BCKDHB: variants seen among roughly 807,000 people sequenced by gnomAD.
The protein encoded by BCKDHB is 2-oxoisovalerate dehydrogenase subunit beta, mitochondrial.
Under a neutral mutation model 48.5 loss-of-function variants are expected in BCKDHB, and 41 were observed. That is an observed-to-expected ratio of 0.85 (90% confidence interval 0.66 to 1.10). The LOEUF (loss-of-function observed/expected upper bound fraction) is 1.10, where lower values mean the gene tolerates loss of function less well. Among genes scored for constraint, BCKDHB ranks in the 50% least tolerant of loss-of-function variants. The pLI is 0.00. For synonymous variants in BCKDHB, 201 were observed against 174.8 expected (o/e 1.15, Z -1.18); for missense variants, 496 against 494.2 (o/e 1.00, Z -0.03).
At chr6:80,432,006 T>A in the BCKDHB span, among the ~76,000 whole-genome samples, 16 of 152,236 alleles carry the variant, frequency 1.1e-4, no homozygotes, top group Admixed American at 5.9e-4. Context: ...TCTTTAAGAA[T>A]GTTGAATATT....
chr6:80,314,409 C>T (rs2127998615), intron 9 of BCKDHB, among the ~76,000 whole-genome samples: 1 of 152,336 alleles, frequency 6.6e-6, no homozygotes, highest in Non-Finnish European at 1.5e-5. Flanking sequence ...CCAAGGTCCA[C>T]AGGCTGGACC....
chr6:80,178,315 C>T (rs1773260055), intron 6 of BCKDHB, among the ~76,000 whole-genome samples: 1 of 152,172 alleles, frequency 6.6e-6, no homozygotes, highest in African/African-American at 2.4e-5. Flanking sequence ...TTAAGTTTAA[C>T]ATACTTTGAG....
the BCKDHB span, among the ~76,000 whole-genome samples, chr6:80,385,907 G>A: frequency 6.6e-6 from 1 of 152,184 alleles, no homozygotes; most frequent in South Asian, 2.1e-4. Flanking sequence ...GGCCCACTAA[G>A]TAGGGAATCT....
intron 2 of BCKDHB, among the ~76,000 whole-genome samples, chr6:80,128,201 T>C (rs1000885641): frequency 3.9e-5 from 6 of 152,036 alleles, no homozygotes; most frequent in African/African-American, 1.2e-4. Flanking sequence ...TATATGTGTG[T>C]GTGTGCATAT....
At chr6:80,230,405 G>GA (rs1452364112) in intron 8 of BCKDHB, among the ~76,000 whole-genome samples, 1 of 151,940 alleles carries the variant, frequency 6.6e-6, no homozygotes, top group Non-Finnish European at 1.5e-5. Context: ...AAATAGCCAA[G>GA]AAAAAAACAG....
rs777673541 is a variant in BCKDHB at position 80,106,828 on chromosome 6, G to A, written c.135G>A (p.Ala45=). The A allele has an allele frequency of 1.2e-6, 2 of 1,610,054 alleles. No homozygotes were observed. The highest frequency in any genetic ancestry group is 8.5e-7 in the Non-Finnish European group (1 of 1,178,770). Residue 45 remains alanine (A), a synonymous_variant, in exon 1 of 10, where the codon GCG becomes GCA. Transcript: ENST00000320393. ...ACCCCGCCGCGACTGTCGAGGATGC[G>A]GCCCAGAGGCGGCAGGTGGCTCATT... ...FLHPAATVED[A]AQRRQVAHFT... is the part of the protein sequence containing the mutation.
chr6:80,120,813 G>A (rs1284195535), intron 1 of BCKDHB, among the ~76,000 whole-genome samples: 1 of 152,134 alleles, frequency 6.6e-6, no homozygotes, highest in African/African-American at 2.4e-5. Context: ...TCTGTAGGTT[G>A]CCCGTTCACT....
chr6:80,236,257 A>G (rs974760495), intron 8 of BCKDHB, among the ~76,000 whole-genome samples: 6 of 152,176 alleles, frequency 3.9e-5, no homozygotes, highest in Non-Finnish European at 5.9e-5. Context: ...ATTTGATTAC[A>G]TGCATATTCC....
At chr6:80,429,980 G>A in the BCKDHB span, among the ~76,000 whole-genome samples, 1,204 of 152,230 alleles carry the variant, frequency 7.9e-3, 17 homozygotes, top group African/African-American at 0.028. Context: ...TTACCCATTC[G>A]GTATGCTATT....
chr6:80,223,894 G>A (rs1354976054), intron 8 of BCKDHB, among the ~76,000 whole-genome samples: 2 of 152,134 alleles, frequency 1.3e-5, no homozygotes, highest in East Asian at 1.9e-4. Context: ...CTGTTAAATA[G>A]CCTTTTATCT....
chr6:80,333,254 C>T (rs4706115), intron 9 of BCKDHB, among the ~76,000 whole-genome samples: 117,963 of 152,020 alleles, frequency 0.78, 46,146 homozygotes, highest in Admixed American at 0.84. Context: ...AAATGTTGTA[C>T]ACCTGTGTGA....
intron 6 of BCKDHB, among the ~76,000 whole-genome samples, chr6:80,185,306 C>G (rs1017551240): frequency 1.3e-5 from 2 of 151,578 alleles, no homozygotes; most frequent in African/African-American, 4.8e-5. Flanking sequence ...CTCTGTATAC[C>G]TTTTCATCCA....
At chr6:80,432,258 A>G in the BCKDHB span, among the ~76,000 whole-genome samples, 70 of 152,262 alleles carry the variant, frequency 4.6e-4, no homozygotes, top group African/African-American at 1.6e-3. Context: ...TCTCCTGGAT[A>G]ATATCCTGAA....
intron 9 of BCKDHB, among the ~76,000 whole-genome samples, chr6:80,318,276 G>A (rs754033655): frequency 2.6e-5 from 4 of 152,180 alleles, no homozygotes; most frequent in Non-Finnish European, 5.9e-5. Flanking sequence ...TAGTCAAACA[G>A]GGAGAAGGAC....
At chr6:80,220,659 C>T (rs901564720) in intron 8 of BCKDHB, among the ~76,000 whole-genome samples, 22 of 151,398 alleles carry the variant, frequency 1.5e-4, no homozygotes, top group African/African-American at 5.3e-4. Context: ...GACATCAGTG[C>T]TCATAGGATA....
intron 6 of BCKDHB, among the ~76,000 whole-genome samples, chr6:80,187,669 A>G (rs1393981741): frequency 6.6e-6 from 1 of 152,212 alleles, no homozygotes; most frequent in Non-Finnish European, 1.5e-5. Flanking sequence ...GGCAAAGGAC[A>G]TGAACAGACA....
chr6:80,127,156 A>G (rs1164156219), intron 1 of BCKDHB: 1 of 248,040 alleles, frequency 4.0e-6, no homozygotes, highest in Non-Finnish European at 8.0e-6. Flanking sequence ...CGTATTTAGC[A>G]CATGCCACTG....
chr6:80,203,540 T>C (rs916172165), intron 8 of BCKDHB, among the ~76,000 whole-genome samples: 1 of 152,116 alleles, frequency 6.6e-6, no homozygotes, highest in African/African-American at 2.4e-5. Flanking sequence ...TGACTTCTTA[T>C]TAGTTATGGT....
chr6:80,195,668 A>G (rs1176676407), intron 6 of BCKDHB, among the ~76,000 whole-genome samples: 1 of 152,168 alleles, frequency 6.6e-6, no homozygotes, highest in African/African-American at 2.4e-5. Context: ...TGTTCCAATA[A>G]TGGTCCTAAG....
Sources: gnomAD v4.1 joint callset for allele counts (sites outside exome capture counted in the v4.1 genomes callset) on GRCh38, gnomAD v4.1.1 for gene constraint, MANE v1.5 for transcripts, NCBI Gene and HGNC (gene_info 2026-07-23, HGNC 2026-07-21) for gene names.